Variants in SARNP observed in about 807,000 individuals in gnomAD.
SARNP encodes the protein SAP domain-containing ribonucleoprotein.
SARNP carries 5 observed loss-of-function variants against 38.1 expected under a neutral mutation model. The ratio of observed to expected loss-of-function variants is 0.13; its 90% confidence interval spans 0.07 to 0.28. SARNP has a LOEUF of 0.28. SARNP is among the 10% of genes least tolerant of loss of function. SARNP has a pLI of 1.00. For missense variants in SARNP, 180 were observed against 243.9 expected, an observed-to-expected ratio of 0.74 and a Z score of 1.75; for synonymous variants, 84 against 80.6, an observed-to-expected ratio of 1.04 and a Z score of -0.23.
intron 1 of SARNP, among the ~76,000 whole-genome samples, chr12:55,815,648 G>A (rs183864947): frequency 6.6e-6 from 1 of 152,084 alleles, no homozygotes; most frequent in Non-Finnish European, 1.5e-5. Flanking sequence ...ATTTTTGGTA[G>A]AGGCGGGGTT....
intron 4 of SARNP, among the ~76,000 whole-genome samples, chr12:55,796,309 A>T (rs540145501): frequency 6.6e-6 from 1 of 152,360 alleles, no homozygotes; most frequent in South Asian, 2.1e-4. Flanking sequence ...ATAATAAAGA[A>T]ATAAGGAAAG....
intron 9 of SARNP, among the ~76,000 whole-genome samples, chr12:55,765,480 G>A (rs1878801829): frequency 6.6e-6 from 1 of 151,634 alleles, no homozygotes; most frequent in Non-Finnish European, 1.5e-5. Flanking sequence ...CAGTAGCTAA[G>A]AACTAAAGGT....
rs17117976 is a variant in SARNP at position 55,772,661 on chromosome 12, T to C, written c.502-12021A>G. On this transcript the variant is annotated intron_variant, in intron 9 of 10. Coordinates refer to ENST00000336133, the MANE Select transcript of SARNP (RefSeq NM_033082.4). ...AGGAGCTGCTGCTTTTGAGGATAAGTGATGCAGAGCCTGGCAGAAATGTCA... is the reference window on the plus strand; with the variant it reads ...AGGAGCTGCTGCTTTTGAGGATAAGCGATGCAGAGCCTGGCAGAAATGTCA... Among the ~76,000 whole-genome samples, 657 of 151,262 alleles carry C rather than the reference T, an allele frequency of 4.3e-3. 8 individuals are homozygous for C. Among genetic ancestry groups the C allele is most frequent in the African/African-American group, 0.011 (453 of 41,104 alleles).
chr12:55,798,344 A>G (rs969581214), intron 4 of SARNP, among the ~76,000 whole-genome samples: 2 of 152,090 alleles, frequency 1.3e-5, no homozygotes, highest in Non-Finnish European at 2.9e-5. Context: ...CAAAAAATAC[A>G]AAAAAAGAGC....
chr12:55,782,479 A>G (rs1879368503), intron 9 of SARNP, among the ~76,000 whole-genome samples: 4 of 152,234 alleles, frequency 2.6e-5, no homozygotes, highest in Non-Finnish European at 5.9e-5. Flanking sequence ...TTAATACTAC[A>G]GTACTAAGCC....
intron 7 of SARNP, among the ~76,000 whole-genome samples, chr12:55,791,555 C>T (rs754823793): frequency 6.6e-6 from 1 of 152,018 alleles, no homozygotes; most frequent in Non-Finnish European, 1.5e-5. Flanking sequence ...ATCAGCCAGG[C>T]GTGGTGGCGT....
intron 9 of SARNP, among the ~76,000 whole-genome samples, chr12:55,766,222 T>G (rs890494048): frequency 1.3e-5 from 2 of 152,150 alleles, no homozygotes; most frequent in Admixed American, 6.5e-5. Context: ...AACAAATCTC[T>G]TTTTTCTTCC....
intron 1 of SARNP, among the ~76,000 whole-genome samples, chr12:55,811,761 C>CT (rs1292703591): frequency 6.6e-6 from 1 of 152,184 alleles, no homozygotes; most frequent in Non-Finnish European, 1.5e-5. Context: ...TAAATATTCA[C>CT]TAAGATTCCT....
chr12:55,805,662 C>A (rs1301204068), intron 1 of SARNP, among the ~76,000 whole-genome samples: 1 of 152,206 alleles, frequency 6.6e-6, no homozygotes, highest in African/African-American at 2.4e-5. Flanking sequence ...GCCTGGCCAA[C>A]ACGGTGAAAC....
At position 55,775,234 on chromosome 12, in the gene SARNP, T is replaced by C. The variant is rs1297775838; in HGVS notation, c.501+13841A>G. On this transcript the variant is annotated intron_variant, in intron 9 of 10. Coordinates refer to ENST00000336133, the MANE Select transcript of SARNP (RefSeq NM_033082.4). ...AGAATATGCTCTGGGAGTTAAAAGG[T>C]TAAAATTAAAAAAAAAAAAAAAAAA... Among the ~76,000 whole-genome samples, 3 of 101,406 alleles carry C rather than the reference T, an allele frequency of 3.0e-5. No homozygotes were observed. The East Asian group carries it at 7.7e-4, about 26-fold the overall frequency. 66.5% of individuals were successfully genotyped at this position (101,406 alleles called of 152,430 possible). A position where few individuals can be genotyped will look rare whatever the true frequency, so the allele number is the denominator to read the frequency against.
chr12:55,805,798 A>G (rs1330274922), intron 1 of SARNP, among the ~76,000 whole-genome samples: 1 of 152,146 alleles, frequency 6.6e-6, no homozygotes, highest in Non-Finnish European at 1.5e-5. Flanking sequence ...GCAGTGAGCC[A>G]AAATCGTGCC....
chr12:55,765,124 T>C (rs1455346454), intron 9 of SARNP, among the ~76,000 whole-genome samples: 1 of 152,184 alleles, frequency 6.6e-6, no homozygotes, highest in Admixed American at 6.5e-5. Context: ...CATTATAAAC[T>C]TTTTTCCATT....
intron 1 of SARNP, among the ~76,000 whole-genome samples, 189 bp from the exon 2 acceptor site, chr12:55,803,917 G>A (rs60671473): frequency 0.046 from 7,013 of 152,186 alleles, 558 homozygotes; most frequent in African/African-American, 0.16. Context: ...ATATACAAGA[G>A]GAACTGCCTA....
At chr12:55,782,687 A>G (rs1029932282) in intron 9 of SARNP, among the ~76,000 whole-genome samples, 1 of 152,126 alleles carries the variant, frequency 6.6e-6, no homozygotes, top group African/African-American at 2.4e-5. Flanking sequence ...CCTAGGCTCA[A>G]GCAATCCTCC....
chr12:55,789,464 A>G (rs1879599059), intron 8 of SARNP, among the ~76,000 whole-genome samples: 1 of 152,204 alleles, frequency 6.6e-6, no homozygotes, highest in Admixed American at 6.5e-5. Context: ...CAAGTCTACC[A>G]TTCACAATCC....
chr12:55,800,616 T>A lies in SARNP; in HGVS notation c.197A>T (p.Lys66Met). The A allele has an allele frequency of 6.2e-7, 1 of 1,611,648 alleles. No individual in the cohort carries two copies. Among genetic ancestry groups the A allele is most frequent in the Non-Finnish European group, 8.5e-7 (1 of 1,178,950 alleles). The change falls in exon 4 of 11, where the codon AAG (lysine) becomes ATG (methionine). Residue 66 changes from lysine (K) to methionine (M), a missense_variant. Lys to Met is a moderately conservative substitution (Grantham distance 95). Coordinates refer to ENST00000336133, the MANE Select transcript of SARNP (RefSeq NM_033082.4). ...LGDETEEEET[K>M]PIELPVKEEE... ...CTCTTTGACAGGGAGCTCAATGGGC[T>A]TTGTTTCTTCTTCCTAAAACCAAAT...
At position 55,805,159 on chromosome 12, in the gene SARNP, G is replaced by A. The variant is rs537990600; in HGVS notation, c.37-1431C>T. Among the ~76,000 whole-genome samples, 17 of 152,332 alleles carry A rather than the reference G, an allele frequency of 1.1e-4. No homozygotes were observed. The South Asian group carries it at 3.5e-3, about 32-fold the overall frequency. On this transcript the variant is annotated intron_variant, in intron 1 of 10. Coordinates refer to ENST00000336133, the MANE Select transcript of SARNP (RefSeq NM_033082.4). The stretch of plus-strand genomic sequence containing the variant: ...CGCCTGTAGTCCCAGCTACTCGGGA[G>A]GCTGAGGCAGAAGAATGGCGTGAAC...
intron 6 of SARNP, 148 bp from the exon 7 acceptor site, chr12:55,794,535 T>G: frequency 1.7e-5 from 13 of 747,780 alleles, no homozygotes; most frequent in Non-Finnish European, 2.1e-5. Flanking sequence ...ATGAAAGAGG[T>G]TCAGAAATTA....
intron 9 of SARNP, among the ~76,000 whole-genome samples, chr12:55,787,364 T>C (rs1879530363): frequency 6.6e-6 from 1 of 152,002 alleles, no homozygotes; most frequent in Non-Finnish European, 1.5e-5. Flanking sequence ...GCAAAATATA[T>C]AACCAATGTC....
Sources: gnomAD v4.1 joint callset for allele counts (sites outside exome capture counted in the v4.1 genomes callset) on GRCh38, gnomAD v4.1.1 for gene constraint, MANE v1.5 for transcripts, NCBI Gene and HGNC (gene_info 2026-07-23, HGNC 2026-07-21) for gene names.